Variants in ERBB4 observed in about 807,000 individuals in gnomAD.
The protein encoded by ERBB4 is erb-b2 receptor tyrosine kinase 4, also known as receptor tyrosine-protein kinase erbB-4.
ERBB4 carries 42 observed loss-of-function variants against 158.0 expected under a neutral mutation model. The observed-to-expected ratio is 0.27, with a 90% CI of 0.21 to 0.34. The LOEUF (loss-of-function observed/expected upper bound fraction) is 0.34, where lower values mean the gene tolerates loss of function less well. Among genes scored for constraint, ERBB4 ranks in the 10% least tolerant of loss-of-function variants. ERBB4 has a pLI of 1.00. For synonymous variants in ERBB4, 583 were observed against 558.7 expected, an observed-to-expected ratio of 1.04 and a Z score of -0.61; for missense variants, 1,333 against 1,624.1, an observed-to-expected ratio of 0.82 and a Z score of 3.08.
chr2:212,259,759 A>G (rs1477061613), intron 1 of ERBB4, among the ~76,000 whole-genome samples: 1 of 152,184 alleles, frequency 6.6e-6, no homozygotes, highest in African/African-American at 2.4e-5. Flanking sequence ...GATGGAAAGA[A>G]TAACAGAGAA....
intron 25 of ERBB4, among the ~76,000 whole-genome samples, chr2:211,419,896 ACTT>A (rs2063478734): frequency 1.3e-5 from 2 of 151,918 alleles, no homozygotes; most frequent in Admixed American, 6.5e-5. Context: ...ACTTAAATCT[ACTT>A]CTTAAAAACA....
chr2:211,844,547 T>C (rs988281210), intron 3 of ERBB4, among the ~76,000 whole-genome samples: 4 of 152,168 alleles, frequency 2.6e-5, no homozygotes, highest in East Asian at 1.9e-4. Flanking sequence ...ACCTCTGAAA[T>C]TGTATGTATA....
chr2:211,745,715 G>GGAAAA (rs1553623570), intron 5 of ERBB4, among the ~76,000 whole-genome samples: 1 of 94,394 alleles, frequency 1.1e-5, no homozygotes, highest in African/African-American at 3.3e-5. Flanking sequence ...TCCACCGCCA[G>GGAAAA]AAAAAAAACA....
At chr2:211,412,146 G>A (rs1327616280) in intron 25 of ERBB4, among the ~76,000 whole-genome samples, 1 of 151,728 alleles carries the variant, frequency 6.6e-6, no homozygotes, top group Admixed American at 6.6e-5. Context: ...AGGAGCAAGA[G>A]ATTTCAAAAT....
chr2:211,573,328 T>G lies in ERBB4; in HGVS notation c.2302-11240A>C, dbSNP rs181463382. Among the ~76,000 whole-genome samples the G allele has an allele frequency of 1.5e-3, 221 of 152,230 alleles. 1 individual carries two copies. Among genetic ancestry groups the G allele is most frequent in the Non-Finnish European group, 2.4e-3 (163 of 68,020 alleles). The stretch of plus-strand genomic sequence containing the variant: ...ATTTCAAATGTCTAGCCCCCAGAAC[T>G]GTGATATAATATATTTCTGTTATTG... On this transcript the variant is annotated intron_variant, in intron 19 of 27. Transcript: ENST00000342788.
At chr2:212,415,395 C>T (rs1029480136) in intron 1 of ERBB4, among the ~76,000 whole-genome samples, 1 of 152,000 alleles carries the variant, frequency 6.6e-6, no homozygotes, top group Non-Finnish European at 1.5e-5. Context: ...AGTAGTGTAA[C>T]TAAAAATAAT....
chr2:211,653,391 A>G (rs2071077231), intron 16 of ERBB4, among the ~76,000 whole-genome samples: 1 of 152,146 alleles, frequency 6.6e-6, no homozygotes, highest in Admixed American at 6.5e-5. Context: ...GGGAAAGAAT[A>G]ACATTGCTTA....
At chr2:212,496,163 TAAACATTTTAGGATGTTTA>T (rs1376240636) in intron 1 of ERBB4, among the ~76,000 whole-genome samples, 16 of 152,020 alleles carry the variant, frequency 1.1e-4, no homozygotes, top group Admixed American at 3.3e-4. Context: ...CATTTCACTT[TAAACATTTTAGGATGTTTA>T]AAACATTTTA....
At chr2:212,104,515 C>T (rs559417743) in intron 2 of ERBB4, among the ~76,000 whole-genome samples, 1 of 152,166 alleles carries the variant, frequency 6.6e-6, no homozygotes, top group South Asian at 2.1e-4. Context: ...CTAACGAATG[C>T]TAGTTTAGAA....
chr2:211,657,309 GACCAGCCTGGCCAACATGGTGAAA>G (rs1297932488), intron 16 of ERBB4, among the ~76,000 whole-genome samples: 1 of 152,042 alleles, frequency 6.6e-6, no homozygotes, highest in Non-Finnish European at 1.5e-5. Context: ...AGGAGTTTGA[GACCAGCCTGGCCAACATGGTGAAA>G]ACCCATCTCT....
At chr2:212,179,342 C>CTTTT (rs3038239) in intron 1 of ERBB4, among the ~76,000 whole-genome samples, 3 of 145,960 alleles carry the variant, frequency 2.1e-5, no homozygotes, top group Non-Finnish European at 3.0e-5. Flanking sequence ...ACATTGAGAG[C>CTTTT]TTTTTTTTTT....
chr2:211,952,585 A>C (rs2080902911), intron 2 of ERBB4, among the ~76,000 whole-genome samples: 1 of 152,062 alleles, frequency 6.6e-6, no homozygotes, highest in Admixed American at 6.6e-5. Context: ...ATCTATGGGA[A>C]AGTATAACGG....
intron 1 of ERBB4, among the ~76,000 whole-genome samples, chr2:212,207,947 AG>A (rs1276761218): frequency 3.3e-5 from 5 of 152,282 alleles, no homozygotes; most frequent in Non-Finnish European, 7.4e-5. Flanking sequence ...TTCAATAATT[AG>A]AAAAAAAGTA....
intron 3 of ERBB4, among the ~76,000 whole-genome samples, chr2:211,827,470 T>A (rs1245044753): frequency 1.3e-5 from 2 of 152,076 alleles, no homozygotes; most frequent in Non-Finnish European, 2.9e-5. Flanking sequence ...ACATTTTGGG[T>A]GGAAATAAAA....
intron 1 of ERBB4, among the ~76,000 whole-genome samples, chr2:212,191,908 A>G (rs1034573214): frequency 1.3e-4 from 19 of 141,304 alleles, no homozygotes; most frequent in African/African-American, 3.8e-4. Flanking sequence ...TATATATGAT[A>G]CATATGTTAT....
At chr2:212,338,917 C>A (rs1354544207) in intron 1 of ERBB4, among the ~76,000 whole-genome samples, 1 of 152,138 alleles carries the variant, frequency 6.6e-6, no homozygotes, top group Admixed American at 6.6e-5. Context: ...CCACCTCATT[C>A]TCCTACCTAC....
intron 3 of ERBB4, among the ~76,000 whole-genome samples, chr2:211,875,930 C>A (rs773260799): frequency 6.6e-6 from 1 of 152,110 alleles, no homozygotes. Context: ...ATAGCCCAGA[C>A]GTGTAGGAGG....
chr2:211,618,378 C>T (rs371375431), intron 19 of ERBB4, among the ~76,000 whole-genome samples: 19 of 152,054 alleles, frequency 1.2e-4, no homozygotes, highest in African/African-American at 4.1e-4. Flanking sequence ...ACAGTCACAC[C>T]CATTTGCATT....
intron 2 of ERBB4, among the ~76,000 whole-genome samples, chr2:211,956,304 G>A (rs144313338): frequency 6.6e-6 from 1 of 152,028 alleles, no homozygotes; most frequent in African/African-American, 2.4e-5. Flanking sequence ...ACTTTGTTTA[G>A]ATATAGATAG....
Sources: allele counts gnomAD v4.1 joint callset (sites outside exome capture counted in the v4.1 genomes callset), GRCh38; gene constraint gnomAD v4.1.1; transcripts MANE v1.5; gene names NCBI Gene and HGNC (gene_info 2026-07-23, HGNC 2026-07-21).